The following ZIC4 variants were observed in gnomAD, a reference collection of about 807,000 sequenced individuals.
The protein encoded by ZIC4 is zinc finger protein ZIC 4.
A neutral mutation model predicts 28.8 loss-of-function variants in ZIC4; 15 were observed. The observed-to-expected ratio is 0.52, with a 90% CI of 0.35 to 0.80. The LOEUF is 0.80. Among genes scored for constraint, ZIC4 ranks in the 30% least tolerant of loss-of-function variants. ZIC4 has a pLI of 0.01. For synonymous variants in ZIC4, 220 were observed against 198.1 expected (o/e 1.11, Z -0.93); for missense variants, 512 against 467.1 (o/e 1.10, Z -0.89).
At chr3:147,406,246 G>A (rs1286151833) in intron 1 of ZIC4, 117 bp downstream of exon 1, 1 of 152,752 alleles carries the variant, frequency 6.5e-6, no homozygotes. Flanking sequence ...CAGAAAGACT[G>A]GCTGGGCCTC....
Position 147,396,543 on chromosome 3 carries a change from C to T in ZIC4, c.71-74G>A. On this transcript the variant is annotated intron_variant, in intron 2 of 4. Coordinates refer to ENST00000383075, the MANE Select transcript of ZIC4 (RefSeq NM_032153.6). This position sits in a 1 kb window ranked among gnomAD's most constrained non-coding sequence, Gnocchi z 4.2. ...GCGCTCTTCCCTGGGCCCCGGGGGG[C>T]AGGCCCAGCCCTGCCGCACTACGGC... is the stretch of plus-strand genomic sequence containing the variant. The T allele has an allele frequency of 1.4e-6, 2 of 1,466,094 alleles. No homozygotes were observed. Among genetic ancestry groups the T allele is most frequent in the South Asian group, 1.4e-5 (1 of 69,228 alleles). 90.8% of individuals were successfully genotyped at this position (1,466,094 alleles called of 1,614,324 possible).
intron 1 of ZIC4, 109 bp from the exon 2 acceptor site, chr3:147,402,921 A>G: frequency 1.1e-6 from 1 of 901,098 alleles, no homozygotes. Context: ...TGATCTGAAG[A>G]TCTTTCGGTC....
chr3:147,391,913 C>G, intron 3 of ZIC4: 1 of 950,914 alleles, frequency 1.1e-6, no homozygotes, highest in Non-Finnish European at 1.3e-6. Context: ...GGAGCCCCCT[C>G]CCTCTTTCCT....
chr3:147,399,661 G>A (rs1445655492), intron 2 of ZIC4, among the ~76,000 whole-genome samples: 5 of 146,078 alleles, frequency 3.4e-5, no homozygotes, highest in Non-Finnish European at 4.6e-5. Context: ...GCAAAAACAC[G>A]GATTTTTTTT....
At chr3:147,399,643 T>C (rs904679741) in intron 2 of ZIC4, among the ~76,000 whole-genome samples, 7 of 151,306 alleles carry the variant, frequency 4.6e-5, no homozygotes, top group Non-Finnish European at 5.9e-5. Context: ...GCTTTAAGAC[T>C]CTGATTTGCA....
chr3:147,403,311 G>T (rs2087207113), intron 1 of ZIC4, among the ~76,000 whole-genome samples: 1 of 152,138 alleles, frequency 6.6e-6, no homozygotes, highest in African/African-American at 2.4e-5. Context: ...TTCAAATCCT[G>T]TTCTGCCTGT....
chr3:147,391,793 A>G, intron 3 of ZIC4: 1 of 272,452 alleles, frequency 3.7e-6, no homozygotes, highest in East Asian at 1.8e-4. Context: ...GCGATGAAAT[A>G]ATTTAAGGAT....
Position 147,386,651 on chromosome 3 carries a change from C to A in ZIC4, c.*2208G>T, listed in dbSNP as rs1444134163. ...CACAGGAGTTTTGGGGAAACCTGAA[C>A]TGGGTGAAAGTTTCTTTGCTGGGCA... is the stretch of plus-strand genomic sequence containing the variant. On this transcript the variant is annotated 3_prime_UTR_variant, in exon 5 of 5. Transcript: ENST00000383075. 6.6e-6 allele frequency: 1 copy of A among 152,272 alleles called. No homozygotes were observed. Among genetic ancestry groups the A allele is most frequent in the Non-Finnish European group, 1.5e-5 (1 of 68,028 alleles). 9.4% of individuals were successfully genotyped at this position (152,272 alleles called of 1,614,324 possible).
rs1039427073 is a variant in ZIC4, at chr3:147,403,971, C to T, written c.-15-1159G>A. ...GCAGGGGGGTAGACTCACCTTTTCC[C>T]AGAGGGTATTATTATTTTCAATTCT... On this transcript the variant is annotated intron_variant, in intron 1 of 4. Transcript: ENST00000383075. 2.6e-6 allele frequency: 4 copies of T among 1,536,606 alleles called. No homozygotes were observed. Among genetic ancestry groups the T allele is most frequent in the East Asian group, 2.4e-5 (1 of 40,908 alleles).
chr3:147,396,293 C>T lies in ZIC4; in HGVS notation c.247G>A (p.Ala83Thr). The change falls in exon 3 of 5, where the codon GCG becomes ACG. Residue 83 changes from alanine to threonine, a missense_variant. By Grantham distance (58) the Ala-to-Thr change is moderately conservative. Around this residue, in one of 3 missense-constraint regions of ZIC4, gnomAD observed 310 missense variants for 256.5 expected, o/e 1.21. Transcript: ENST00000383075. This position sits in a 1 kb window ranked among gnomAD's most constrained non-coding sequence, Gnocchi z 4.2. Reference protein sequence around the residue: ...ARPEPFPPGPAARSDALAAAA... With the variant: ...ARPEPFPPGPTARSDALAAAA... The stretch of plus-strand genomic sequence containing the variant: ...GCTGCCAGGGCGTCGCTGCGGGCCG[C>T]AGGCCCTGGCGGGAAGGGCTCCGGC... 1 of 1,606,660 alleles carries T rather than the reference C, an allele frequency of 6.2e-7. No individual in the cohort carries two copies. Among genetic ancestry groups the T allele is most frequent in the Admixed American group, 1.7e-5 (1 of 58,940 alleles).
chr3:147,396,137 C>T lies in ZIC4; in HGVS notation c.403G>A (p.Ala135Thr), dbSNP rs767418411. 5.0e-6 allele frequency: 8 copies of T among 1,613,906 alleles called. No individual in the cohort carries two copies. In the South Asian group the frequency reaches 8.8e-5, roughly 18 times the overall value. Reference sequence around the variant, plus strand: ...AGGCTCGGGGTCGCGGTGCCGTCGGCCGCCAGCCACTTGCAGATGAGCTCC... The same window carrying T: ...AGGCTCGGGGTCGCGGTGCCGTCGGTCGCCAGCCACTTGCAGATGAGCTCC... Reference protein sequence around the residue: ...KQELICKWLAADGTATPSLCS... With the variant: ...KQELICKWLATDGTATPSLCS... The change falls in exon 3 of 5, where the codon GCC (alanine) becomes ACC (threonine). Residue 135 changes from alanine to threonine, a missense_variant. By Grantham distance (58) the Ala-to-Thr change is moderately conservative. Transcript: ENST00000383075. The surrounding 1 kb of genome is among the most constrained non-coding windows in gnomAD (Gnocchi z 4.2).
intron 3 of ZIC4, 92 bp downstream of exon 3, chr3:147,395,760 C>G: frequency 5.3e-6 from 8 of 1,514,608 alleles, no homozygotes; most frequent in Non-Finnish European, 7.1e-6. Context: ...AAAATATTTC[C>G]CCCTCCCCTC....
At chr3:147,397,493 A>G (rs1178777516) in intron 2 of ZIC4, among the ~76,000 whole-genome samples, 1 of 151,270 alleles carries the variant, frequency 6.6e-6, no homozygotes, top group Non-Finnish European at 1.5e-5. Flanking sequence ...TCTCCCCTTG[A>G]GCCTCCTCCC....
chr3:147,401,451 A>G (rs1350761464), intron 2 of ZIC4, among the ~76,000 whole-genome samples: 1 of 152,234 alleles, frequency 6.6e-6, no homozygotes, highest in Non-Finnish European at 1.5e-5. Flanking sequence ...ACTGTATAGA[A>G]CCTGGCTAGA....
At position 147,404,258 on chromosome 3, in the gene ZIC4, A is replaced by G. The variant is rs111722157; in HGVS notation, c.-15-1446T>C. 432 of 1,434,614 alleles carry G rather than the reference A, an allele frequency of 3.0e-4. 4 individuals carry two copies. Among genetic ancestry groups the G allele is most frequent in the Non-Finnish European group, 6.4e-5 (70 of 1,100,824 alleles). The allele number at this position is 1,434,614 out of a possible 1,614,324, so 88.9% of individuals were successfully genotyped here. ...CCACCCATAAGGCAGCCCCAACCCA[A>G]CTTCTAAGAGGTCTGGATCACTTCT... On this transcript the variant is annotated intron_variant, in intron 1 of 4. Coordinates refer to ENST00000383075, the MANE Select transcript of ZIC4 (RefSeq NM_032153.6).
chr3:147,404,034 C>T, intron 1 of ZIC4: 2 of 1,537,204 alleles, frequency 1.3e-6, no homozygotes, highest in South Asian at 2.4e-5. Context: ...AGGTAATAAG[C>T]TCCTTCCAGC....
chr3:147,390,798 T>G, intron 4 of ZIC4, 133 bp downstream of exon 4: 1 of 1,188,578 alleles, frequency 8.4e-7, no homozygotes, highest in Non-Finnish European at 1.2e-6. Context: ...ATTCGGTGTG[T>G]GCGGAAGCAG....
Position 147,396,770 on chromosome 3 carries a change from G to T in ZIC4, c.71-301C>A. The T allele has an allele frequency of 9.4e-6, 3 of 319,246 alleles. No individual in the cohort carries two copies. The highest frequency in any genetic ancestry group is 1.7e-5 in the Non-Finnish European group (3 of 175,058). The allele number at this position is 319,246 out of a possible 1,614,324, so 19.8% of individuals were successfully genotyped here. ...AGGCGCAGGGCTGAGTCTGTGGGTT[G>T]CTGGGGGTTCTGCTCCAGAGGGGTA... On this transcript the variant is annotated intron_variant, in intron 2 of 4. Transcript: ENST00000383075. This position sits in a 1 kb window ranked among gnomAD's most constrained non-coding sequence, Gnocchi z 4.2.
chr3:147,390,920 G>GACAC lies in ZIC4; in HGVS notation c.1004+7_1004+10dup. 1.3e-6 allele frequency: 2 copies of GACAC among 1,600,002 alleles called. No individual in the cohort carries two copies. Among genetic ancestry groups the GACAC allele is most frequent in the Non-Finnish European group, 1.7e-6 (2 of 1,172,874 alleles). ...GCAGCCGCTATGGGGCCCAAGCCCT[G>GACAC]ACACACGTACCATTCGCTCAAGTCG... On this transcript the variant is annotated intron_variant, in intron 4 of 4. Transcript: ENST00000383075.
Sources: gnomAD v4.1 joint callset for allele counts (sites outside exome capture counted in the v4.1 genomes callset) on GRCh38, gnomAD v4.1.1 for gene constraint, gnomAD v4.1.1 regional missense constraint, Gnocchi (gnomAD v3.1) non-coding constraint, MANE v1.5 for transcripts, NCBI Gene and HGNC (gene_info 2026-07-23, HGNC 2026-07-21) for gene names.